MNAT1: variants seen among roughly 807,000 people sequenced by gnomAD.
MNAT1 encodes the protein MNAT1 component of CDK activating kinase, also known as CDK-activating kinase assembly factor MAT1.
A neutral mutation model predicts 42.0 loss-of-function variants in MNAT1; 43 were observed. That is an observed-to-expected ratio of 1.02 (90% CI 0.80 to 1.32). The LOEUF is 1.32. Ranked by LOEUF, MNAT1 falls within the 40% of genes most tolerant of loss-of-function variation. The pLI is 0.00. For missense variants in MNAT1, 306 were observed against 350.4 expected, an observed-to-expected ratio of 0.87 and a Z score of 1.01; for synonymous variants, 118 against 120.0, an observed-to-expected ratio of 0.98 and a Z score of 0.11.
intron 1 of MNAT1, among the ~76,000 whole-genome samples, chr14:60,770,518 C>T (rs1360967420): frequency 2.0e-5 from 3 of 152,020 alleles, no homozygotes; most frequent in African/African-American, 7.2e-5. Flanking sequence ...ATAATGATTG[C>T]ACCATTTTAT....
At chr14:60,757,428 T>C (rs4151162) in intron 1 of MNAT1, among the ~76,000 whole-genome samples, 3,690 of 152,268 alleles carry the variant, frequency 0.024, 150 homozygotes, top group African/African-American at 0.084. Context: ...CTAGAATGTT[T>C]GACATTTTCT....
intron 6 of MNAT1, among the ~76,000 whole-genome samples, chr14:60,858,291 A>T (rs2034010887): frequency 6.6e-6 from 1 of 152,024 alleles, no homozygotes; most frequent in Non-Finnish European, 1.5e-5. Context: ...ATGGTATCTC[A>T]TTGTGGTTTT....
chr14:60,921,599 A>T (rs181831055), intron 7 of MNAT1, among the ~76,000 whole-genome samples: 172 of 152,314 alleles, frequency 1.1e-3, no homozygotes, highest in Admixed American at 2.6e-3. Context: ...CTCCCCAAAC[A>T]GTTCAGCAGA....
At chr14:60,804,291 G>A (rs1310244440) in intron 3 of MNAT1, among the ~76,000 whole-genome samples, 4 of 152,114 alleles carry the variant, frequency 2.6e-5, no homozygotes, top group African/African-American at 9.6e-5. Flanking sequence ...TTTTCTTCAC[G>A]GCTATTGTAC....
intron 7 of MNAT1, among the ~76,000 whole-genome samples, chr14:60,928,965 G>A (rs187240940): frequency 6.6e-6 from 1 of 150,642 alleles, no homozygotes; most frequent in African/African-American, 2.4e-5. Context: ...TGGCTAACAC[G>A]GTGAAAGCTC....
chr14:60,793,468 T>C (rs778101451), intron 1 of MNAT1, among the ~76,000 whole-genome samples: 1 of 151,492 alleles, frequency 6.6e-6, no homozygotes, highest in African/African-American at 2.4e-5. Flanking sequence ...GCTCAAGTGA[T>C]TGTCCTGCCT....
Position 60,740,249 on chromosome 14 carries a change from G to A in MNAT1, c.89+5298G>A, listed in dbSNP as rs533206796. On this transcript the variant is annotated intron_variant, in intron 1 of 7. Coordinates refer to ENST00000261245, the MANE Select transcript of MNAT1 (RefSeq NM_002431.4). The surrounding 1 kb of genome is among the most constrained non-coding windows in gnomAD (Gnocchi z 4.1). ...CTACTTTTTTCATCACGCACGAGAC[G>A]CAAAGTACAAGATAAGCAAAATCAA... 8.5e-5 allele frequency among the ~76,000 whole-genome samples: 13 copies of A among 152,258 alleles called. No homozygotes were observed. Among genetic ancestry groups the A allele is most frequent in the East Asian group, 3.9e-4 (2 of 5,194 alleles).
intron 7 of MNAT1, among the ~76,000 whole-genome samples, chr14:60,913,934 A>G (rs966513370): frequency 6.6e-6 from 1 of 152,234 alleles, no homozygotes; most frequent in African/African-American, 2.4e-5. Context: ...TAGAGCCTAC[A>G]GAGGCAGTCT....
chr14:60,968,298 TCACAGAGCACTACAG>T lies in MNAT1; in HGVS notation c.880_894del (p.His294_Gln298del). On this transcript the variant is annotated inframe_deletion, in exon 8 of 8. Coordinates refer to ENST00000261245, the MANE Select transcript of MNAT1 (RefSeq NM_002431.4). ...GAGGCTATACTTCTTCTCTTGCTTGTCACAGAGCACTACAGGATGCATTCAGTGGGCTTTTCTGGC... is the reference window on the plus strand; with the variant it reads ...GAGGCTATACTTCTTCTCTTGCTTGTGATGCATTCAGTGGGCTTTTCTGGC... 9 of 1,614,030 alleles carry T rather than the reference TCACAGAGCACTACAG, an allele frequency of 5.6e-6. No individual in the cohort carries two copies. The highest frequency in any genetic ancestry group is 7.6e-6 in the Non-Finnish European group (9 of 1,179,924).
At chr14:60,960,458 C>T (rs1405022024) in intron 7 of MNAT1, among the ~76,000 whole-genome samples, 1 of 152,184 alleles carries the variant, frequency 6.6e-6, no homozygotes, top group East Asian at 1.9e-4. Flanking sequence ...ATTCTGGTAA[C>T]TCCAAATTGG....
At chr14:60,752,033 T>C (rs577690167) in intron 1 of MNAT1, among the ~76,000 whole-genome samples, 2 of 152,312 alleles carry the variant, frequency 1.3e-5, no homozygotes, top group South Asian at 2.1e-4. Flanking sequence ...AATTTACCAA[T>C]ATTAGATATA....
chr14:60,842,388 G>A (rs1024590651), intron 6 of MNAT1, among the ~76,000 whole-genome samples: 8 of 152,256 alleles, frequency 5.3e-5, no homozygotes, highest in Middle Eastern at 3.4e-3. Context: ...CCTAGGCTCT[G>A]TTTGGGTTAC....
At chr14:60,910,611 A>G (rs765581900) in intron 7 of MNAT1, among the ~76,000 whole-genome samples, 1 of 152,170 alleles carries the variant, frequency 6.6e-6, no homozygotes, top group Admixed American at 6.5e-5. Flanking sequence ...GGTTCTGTTA[A>G]TATGCTGGAT....
At chr14:60,781,270 A>G (rs1346856042) in intron 1 of MNAT1, among the ~76,000 whole-genome samples, 1 of 152,196 alleles carries the variant, frequency 6.6e-6, no homozygotes, top group Non-Finnish European at 1.5e-5. Context: ...GTTAAAAACA[A>G]AAAAAGAAGC....
intron 7 of MNAT1, among the ~76,000 whole-genome samples, chr14:60,915,097 C>T (rs545941579): frequency 7.2e-5 from 11 of 152,304 alleles, no homozygotes; most frequent in Non-Finnish European, 1.6e-4. Context: ...ATGCAGATTG[C>T]TGTTCCTGGA....
At chr14:60,915,485 C>T (rs1037176058) in intron 7 of MNAT1, among the ~76,000 whole-genome samples, 3 of 152,078 alleles carry the variant, frequency 2.0e-5, no homozygotes, top group Non-Finnish European at 2.9e-5. Context: ...TCACATTTTT[C>T]CTTTGGCTTT....
At chr14:60,846,120 C>G (rs1054913945) in intron 6 of MNAT1, among the ~76,000 whole-genome samples, 2 of 151,826 alleles carry the variant, frequency 1.3e-5, no homozygotes, top group Non-Finnish European at 2.9e-5. Context: ...TTTTCCCTCC[C>G]TCTCTTCCTT....
intron 6 of MNAT1, among the ~76,000 whole-genome samples, chr14:60,845,013 G>T (rs1231631330): frequency 6.6e-6 from 1 of 151,776 alleles, no homozygotes; most frequent in Admixed American, 6.6e-5. Context: ...TTTTATTAAG[G>T]ATTTTTGTGT....
At chr14:60,914,786 A>G (rs1327080903) in intron 7 of MNAT1, among the ~76,000 whole-genome samples, 1 of 152,242 alleles carries the variant, frequency 6.6e-6, no homozygotes, top group Non-Finnish European at 1.5e-5. Flanking sequence ...TGGTCAAGAT[A>G]GGTCCTATAT....
Sources: allele counts gnomAD v4.1 joint callset (sites outside exome capture counted in the v4.1 genomes callset), GRCh38; gene constraint gnomAD v4.1.1; non-coding constraint Gnocchi (gnomAD v3.1); transcripts MANE v1.5; gene names NCBI Gene and HGNC (gene_info 2026-07-23, HGNC 2026-07-21).